Variants in GRID2 observed in about 807,000 individuals in gnomAD.
GRID2 encodes glutamate receptor ionotropic, delta-2.
GRID2 carries 33 observed loss-of-function variants against 114.8 expected under a neutral mutation model. The observed-to-expected ratio is 0.29, with a 90% CI of 0.22 to 0.38. GRID2 has a LOEUF of 0.38. GRID2 is among the 10% of genes least tolerant of loss of function. The pLI, the probability that GRID2 is intolerant of heterozygous loss-of-function variation, is 1.00. For synonymous variants in GRID2, 505 were observed against 449.9 expected (o/e 1.12, Z -1.55); for missense variants, 1,184 against 1,257.7 (o/e 0.94, Z 0.89).
intron 11 of GRID2, among the ~76,000 whole-genome samples, chr4:93,469,256 A>T (rs759638771): frequency 2.6e-5 from 4 of 152,244 alleles, no homozygotes; most frequent in Non-Finnish European, 4.4e-5. Context: ...TTCTGGGAAG[A>T]ATAAATGCTA....
At chr4:92,903,700 C>G (rs957313897) in intron 2 of GRID2, among the ~76,000 whole-genome samples, 1 of 151,816 alleles carries the variant, frequency 6.6e-6, no homozygotes, top group African/African-American at 2.4e-5. Flanking sequence ...TTTTAAAAGG[C>G]ACAGTATTTT....
At chr4:93,318,565 A>G (rs778742095) in intron 8 of GRID2, 1 of 152,152 alleles carries the variant, frequency 6.6e-6, no homozygotes, top group African/African-American at 2.4e-5. Flanking sequence ...AGCCAAAGGG[A>G]GCATAACTGC....
intron 3 of GRID2, among the ~76,000 whole-genome samples, chr4:93,105,484 A>G (rs972889122): frequency 6.6e-6 from 1 of 152,088 alleles, no homozygotes; most frequent in Non-Finnish European, 1.5e-5. Flanking sequence ...TAATTTTTGT[A>G]TAAGGTGTAA....
chr4:93,394,556 C>A (rs541833719), intron 8 of GRID2, among the ~76,000 whole-genome samples: 158 of 151,852 alleles, frequency 1.0e-3, no homozygotes, highest in Middle Eastern at 0.01. Flanking sequence ...ACAGACAAAC[C>A]GCAATAAAAA....
At chr4:93,477,197 AC>A (rs1034970875) in intron 11 of GRID2, among the ~76,000 whole-genome samples, 3 of 152,080 alleles carry the variant, frequency 2.0e-5, no homozygotes, top group Non-Finnish European at 2.9e-5. Context: ...AGCTGAACTC[AC>A]TTTTGTAAAA....
At chr4:93,438,983 T>C (rs1721371115) in intron 10 of GRID2, among the ~76,000 whole-genome samples, 1 of 152,110 alleles carries the variant, frequency 6.6e-6, no homozygotes, top group African/African-American at 2.4e-5. Flanking sequence ...GTTTCCACTT[T>C]CATTCATGTC....
intron 4 of GRID2, among the ~76,000 whole-genome samples, chr4:93,113,229 C>T (rs1732932443): frequency 6.6e-6 from 1 of 152,082 alleles, no homozygotes; most frequent in East Asian, 1.9e-4. Flanking sequence ...TTTCTAACAC[C>T]TTTTTAAAAA....
intron 2 of GRID2, among the ~76,000 whole-genome samples, chr4:92,947,179 A>G (rs1227104110): frequency 6.6e-6 from 1 of 152,036 alleles, no homozygotes; most frequent in Non-Finnish European, 1.5e-5. Context: ...TGATCAAAGC[A>G]CACATAAGTT....
chr4:93,010,704 C>T (rs1722044589), intron 2 of GRID2, among the ~76,000 whole-genome samples: 4 of 152,132 alleles, frequency 2.6e-5, no homozygotes, highest in Admixed American at 1.3e-4. Context: ...CCTGAAACTC[C>T]AGAGGATTTT....
At position 93,168,345 on chromosome 4, in the gene GRID2, G is replaced by A. The variant is rs545368209; in HGVS notation, c.736-39059G>A. 5.1e-4 allele frequency among the ~76,000 whole-genome samples: 77 copies of A among 152,060 alleles called. 1 individual carries two copies. Among genetic ancestry groups the A allele is most frequent in the African/African-American group, 1.7e-3 (72 of 41,470 alleles). ...ATATTTCAAATTCACCATAATAAAGGCATCATTAAAAAGTTTTAGATGAAA... is the reference window on the plus strand; with the variant it reads ...ATATTTCAAATTCACCATAATAAAGACATCATTAAAAAGTTTTAGATGAAA... On this transcript the variant is annotated intron_variant, in intron 4 of 15. Transcript: ENST00000282020.
chr4:92,598,651 G>C (rs990043155), intron 2 of GRID2, among the ~76,000 whole-genome samples: 48 of 152,060 alleles, frequency 3.2e-4, no homozygotes, highest in African/African-American at 1.1e-3. Flanking sequence ...CTATTTCTGA[G>C]TCTCAGTTTC....
intron 4 of GRID2, among the ~76,000 whole-genome samples, chr4:93,142,122 G>A (rs1735822944): frequency 6.6e-6 from 1 of 152,162 alleles, no homozygotes; most frequent in Admixed American, 6.5e-5. Flanking sequence ...GCTGAGGCAT[G>A]AGGATGGCTT....
chr4:93,324,284 T>C (rs1216789525), intron 8 of GRID2, among the ~76,000 whole-genome samples: 1 of 152,188 alleles, frequency 6.6e-6, no homozygotes, highest in Non-Finnish European at 1.5e-5. Context: ...TTGAAGGCCT[T>C]TTCTGCATCT....
chr4:92,420,142 G>T (rs1486396716), intron 1 of GRID2, among the ~76,000 whole-genome samples: 4 of 151,984 alleles, frequency 2.6e-5, no homozygotes, highest in Admixed American at 2.6e-4. Flanking sequence ...TTTCCCTTTG[G>T]AGAATTCTGC....
chr4:92,650,555 A>C (rs7681890), intron 2 of GRID2, among the ~76,000 whole-genome samples: 41,988 of 151,738 alleles, frequency 0.28, 5,896 homozygotes, highest in South Asian at 0.33. Context: ...CAGTGCAATA[A>C]TTCCCTTCTT....
At chr4:92,694,124 G>GCTAA (rs1237826635) in intron 2 of GRID2, among the ~76,000 whole-genome samples, 3 of 152,186 alleles carry the variant, frequency 2.0e-5, no homozygotes, top group Non-Finnish European at 4.4e-5. Flanking sequence ...AGTGTAAAAT[G>GCTAA]CTAAGCTGGA....
intron 13 of GRID2, among the ~76,000 whole-genome samples, chr4:93,578,903 C>T (rs1736700949): frequency 1.3e-5 from 2 of 152,078 alleles, no homozygotes; most frequent in South Asian, 2.1e-4. Context: ...GCCTTGCTTT[C>T]ATTAACTGTC....
intron 2 of GRID2, among the ~76,000 whole-genome samples, chr4:92,892,479 A>C (rs1032176512): frequency 2.6e-5 from 4 of 152,150 alleles, no homozygotes; most frequent in Non-Finnish European, 4.4e-5. Flanking sequence ...TGAGAGATAT[A>C]TTTTCTTCAT....
intron 8 of GRID2, among the ~76,000 whole-genome samples, chr4:93,269,054 C>G (rs972957518): frequency 1.3e-5 from 2 of 151,970 alleles, no homozygotes; most frequent in Non-Finnish European, 2.9e-5. Context: ...TTTTGAAATA[C>G]AAAAAATTTT....
Sources: gnomAD v4.1 joint callset for allele counts (sites outside exome capture counted in the v4.1 genomes callset) on GRCh38, gnomAD v4.1.1 for gene constraint, MANE v1.5 for transcripts, NCBI Gene and HGNC (gene_info 2026-07-23, HGNC 2026-07-21) for gene names.